UQCC1: variants seen among roughly 807,000 people sequenced by gnomAD.
UQCC1 encodes ubiquinol-cytochrome c reductase complex assembly factor 1, also known as bFGF-repressed Zic-binding protein.
UQCC1 carries 38 observed loss-of-function variants against 48.0 expected under a neutral mutation model. The observed-to-expected ratio is 0.79, with a 90% CI of 0.61 to 1.04. UQCC1 has a LOEUF of 1.04. Among genes scored for constraint, UQCC1 ranks in the 50% least tolerant of loss-of-function variants. UQCC1 has a pLI of 0.00. For missense variants in UQCC1, 368 were observed against 381.8 expected (o/e 0.96, Z 0.30); for synonymous variants, 111 against 129.2 (o/e 0.86, Z 0.95).
At chr20:35,327,706 T>C (rs1361010472) in intron 7 of UQCC1, among the ~76,000 whole-genome samples, 1 of 152,124 alleles carries the variant, frequency 6.6e-6, no homozygotes, top group Non-Finnish European at 1.5e-5. Context: ...TCCCTTAAAA[T>C]GGAATTGACA....
intron 1 of UQCC1, among the ~76,000 whole-genome samples, chr20:35,402,295 T>C (rs1205543793): frequency 2.0e-5 from 3 of 151,746 alleles, no homozygotes; most frequent in East Asian, 3.9e-4. Flanking sequence ...ATACATAATA[T>C]AGGCCGGGCG....
At chr20:35,365,895 T>C (rs542418109) in intron 6 of UQCC1, among the ~76,000 whole-genome samples, 2 of 152,272 alleles carry the variant, frequency 1.3e-5, no homozygotes, top group African/African-American at 4.8e-5. Flanking sequence ...GTAGTAAACT[T>C]AGTTCTCCAG....
At chr20:35,325,277 A>G (rs954169906) in intron 7 of UQCC1, among the ~76,000 whole-genome samples, 1 of 152,234 alleles carries the variant, frequency 6.6e-6, no homozygotes, top group African/African-American at 2.4e-5. Context: ...GAAAATTGTT[A>G]CACAACACTG....
chr20:35,407,385 G>GCCAC (rs1330414940), intron 1 of UQCC1, among the ~76,000 whole-genome samples: 2 of 151,616 alleles, frequency 1.3e-5, no homozygotes, highest in Admixed American at 1.3e-4. Flanking sequence ...TCTAGATTGT[G>GCCAC]CCACTGCACT....
chr20:35,309,658 C>CACA (rs1600850159), intron 8 of UQCC1, among the ~76,000 whole-genome samples: 2 of 152,246 alleles, frequency 1.3e-5, no homozygotes, highest in South Asian at 4.1e-4. Context: ...TCCCTCGTGA[C>CACA]ACAATGAAGC....
chr20:35,354,599 T>G (rs1357932557), intron 6 of UQCC1, among the ~76,000 whole-genome samples: 1 of 152,120 alleles, frequency 6.6e-6, no homozygotes, highest in Non-Finnish European at 1.5e-5. Flanking sequence ...GGTTTCACAG[T>G]GTTAGCCAGG....
At chr20:35,314,243 C>T (rs530464635) in intron 8 of UQCC1, among the ~76,000 whole-genome samples, 68 of 151,962 alleles carry the variant, frequency 4.5e-4, no homozygotes, top group African/African-American at 1.5e-3. Flanking sequence ...GGAGCCACTG[C>T]GCCCAGCCAG....
At chr20:35,328,045 C>G (rs1300816532) in intron 7 of UQCC1, among the ~76,000 whole-genome samples, 1 of 150,880 alleles carries the variant, frequency 6.6e-6, no homozygotes, top group Non-Finnish European at 1.5e-5. Flanking sequence ...ACTGACACAG[C>G]CTGTGAGTTC....
At chr20:35,307,564 G>A (rs2060943232) in intron 8 of UQCC1, among the ~76,000 whole-genome samples, 1 of 152,202 alleles carries the variant, frequency 6.6e-6, no homozygotes, top group Non-Finnish European at 1.5e-5. Context: ...TGGGGTGAAG[G>A]TGGCTGATGG....
intron 6 of UQCC1, among the ~76,000 whole-genome samples, chr20:35,359,755 C>A (rs977486821): frequency 6.6e-6 from 1 of 152,206 alleles, no homozygotes; most frequent in African/African-American, 2.4e-5. Flanking sequence ...CTTACTCTGT[C>A]ACCAGCTGAG....
intron 1 of UQCC1, among the ~76,000 whole-genome samples, chr20:35,395,576 A>G (rs2146518649): frequency 6.6e-6 from 1 of 152,234 alleles, no homozygotes; most frequent in Non-Finnish European, 1.5e-5. Context: ...TGTGCCAGGA[A>G]CCAGGGATAA....
intron 8 of UQCC1, among the ~76,000 whole-genome samples, chr20:35,311,158 G>A (rs940736604): frequency 3.9e-5 from 6 of 152,142 alleles, no homozygotes; most frequent in Non-Finnish European, 5.9e-5. Context: ...GGCACAGCAT[G>A]TCTATAGGGC....
At chr20:35,405,796 G>A (rs1003607190) in intron 1 of UQCC1, among the ~76,000 whole-genome samples, 6 of 152,342 alleles carry the variant, frequency 3.9e-5, no homozygotes, top group South Asian at 2.1e-4. Context: ...GCTGAGGCGG[G>A]AGAATCGCTT....
intron 5 of UQCC1, among the ~76,000 whole-genome samples, chr20:35,366,842 C>G (rs1013672986): frequency 5.9e-5 from 9 of 151,990 alleles, no homozygotes; most frequent in African/African-American, 1.7e-4. Context: ...GCCTGTAATT[C>G]CAGCACTTTG....
At position 35,343,492 on chromosome 20, in the gene UQCC1, G is replaced by A. The variant is rs140695243; in HGVS notation, c.573+3672C>T. Among the ~76,000 whole-genome samples the A allele has an allele frequency of 8.7e-4, 132 of 152,290 alleles. 1 individual carries two copies. The highest frequency in any genetic ancestry group is 1.6e-3 in the Non-Finnish European group (110 of 68,014). On this transcript the variant is annotated intron_variant, in intron 7 of 9. Transcript: ENST00000374385. Reference sequence around the variant, plus strand: ...CATGCACTCACACTCATCCATGCATGCACTCACAACCCAGTGATTAATATA... The same window carrying A: ...CATGCACTCACACTCATCCATGCATACACTCACAACCCAGTGATTAATATA...
chr20:35,320,999 T>C (rs1308236613), intron 7 of UQCC1, among the ~76,000 whole-genome samples: 1 of 152,234 alleles, frequency 6.6e-6, no homozygotes, highest in African/African-American at 2.4e-5. Flanking sequence ...GCCAACGCCA[T>C]GTTCTACAGT....
At chr20:35,312,443 C>A (rs1160560962) in intron 8 of UQCC1, among the ~76,000 whole-genome samples, 1 of 152,164 alleles carries the variant, frequency 6.6e-6, no homozygotes, top group Non-Finnish European at 1.5e-5. Flanking sequence ...ATGCCAAGCA[C>A]TATGCCAGGC....
intron 1 of UQCC1, among the ~76,000 whole-genome samples, chr20:35,402,615 A>G (rs199912397): frequency 1.5e-5 from 2 of 129,950 alleles, no homozygotes; most frequent in Non-Finnish European, 3.3e-5. Flanking sequence ...AAACAAACAA[A>G]ATATATATAT....
chr20:35,356,201 T>C (rs1277625914), intron 6 of UQCC1, among the ~76,000 whole-genome samples: 1 of 152,220 alleles, frequency 6.6e-6, no homozygotes, highest in Non-Finnish European at 1.5e-5. Context: ...CATACTATTA[T>C]TCTCAGACAT....
Sources: gnomAD v4.1 joint callset for allele counts (sites outside exome capture counted in the v4.1 genomes callset) on GRCh38, gnomAD v4.1.1 for gene constraint, MANE v1.5 for transcripts, NCBI Gene and HGNC (gene_info 2026-07-23, HGNC 2026-07-21) for gene names.